The following SH3RF3 variants were observed in gnomAD, a reference collection of about 807,000 sequenced individuals.
SH3RF3 encodes SH3 domain containing ring finger 3.
A neutral mutation model predicts 66.3 loss-of-function variants in SH3RF3; 29 were observed. The ratio of observed to expected loss-of-function variants is 0.44; its 90% CI spans 0.33 to 0.60. SH3RF3 has a LOEUF of 0.60. SH3RF3 is among the 20% of genes least tolerant of loss of function. The pLI, the probability that SH3RF3 is intolerant of heterozygous loss-of-function variation, is 0.04. For synonymous variants in SH3RF3, 583 were observed against 532.0 expected, an observed-to-expected ratio of 1.10 and a Z score of -1.32; for missense variants, 1,194 against 1,190.9, an observed-to-expected ratio of 1.00 and a Z score of -0.04.
At chr2:109,227,082 C>T (rs1679390371) in intron 1 of SH3RF3, among the ~76,000 whole-genome samples, 1 of 152,108 alleles carries the variant, frequency 6.6e-6, no homozygotes. Flanking sequence ...GGGTCTTTGT[C>T]ATGTTTCTGG....
chr2:109,221,581 CAAAAAAAA>C (rs60310731), intron 1 of SH3RF3, among the ~76,000 whole-genome samples: 135 of 63,346 alleles, frequency 2.1e-3, no homozygotes, highest in African/African-American at 5.7e-3. Context: ...GACTCCATCT[CAAAAAAAA>C]AAAAAAAAAA....
chr2:109,142,409 C>G (rs898650787), intron 1 of SH3RF3, among the ~76,000 whole-genome samples: 4 of 152,252 alleles, frequency 2.6e-5, no homozygotes, highest in African/African-American at 9.6e-5. Flanking sequence ...GTTAGCTCCA[C>G]AAACTTGGAA....
intron 1 of SH3RF3, among the ~76,000 whole-genome samples, chr2:109,197,565 G>A (rs980669023): frequency 2.1e-4 from 32 of 152,358 alleles, no homozygotes; most frequent in African/African-American, 7.2e-4. Context: ...GCCGGGGAGG[G>A]GTGGGAGGCC....
intron 1 of SH3RF3, among the ~76,000 whole-genome samples, chr2:109,166,503 C>A (rs923847717): frequency 1.3e-5 from 2 of 150,262 alleles, no homozygotes; most frequent in African/African-American, 4.9e-5. Context: ...ACCTCTATGT[C>A]AAGCTCATTG....
At chr2:109,371,745 G>A in intron 3 of SH3RF3, 64 bp downstream of exon 3, 1 of 1,429,500 alleles carries the variant, frequency 7.0e-7, no homozygotes, top group Non-Finnish European at 9.7e-7. Flanking sequence ...ACTACAGTGG[G>A]GTCACCTGAC....
chr2:109,465,075 G>A (rs1361757926), intron 8 of SH3RF3, among the ~76,000 whole-genome samples: 2 of 152,146 alleles, frequency 1.3e-5, no homozygotes, highest in Non-Finnish European at 2.9e-5. Context: ...ACACAATGTT[G>A]TAGCCTTTTT....
At chr2:109,401,599 A>G (rs1011953999) in intron 4 of SH3RF3, among the ~76,000 whole-genome samples, 3 of 152,194 alleles carry the variant, frequency 2.0e-5, no homozygotes, top group Non-Finnish European at 2.9e-5. Context: ...CTAAAAAAGG[A>G]GCCCACAGGG....
At chr2:109,395,301 C>A (rs1183946639) in intron 3 of SH3RF3, among the ~76,000 whole-genome samples, 1 of 152,200 alleles carries the variant, frequency 6.6e-6, no homozygotes. Flanking sequence ...TCTGGGCTTT[C>A]AGAACGAAGA....
At chr2:109,288,534 A>G (rs1054835645) in intron 1 of SH3RF3, among the ~76,000 whole-genome samples, 1 of 152,014 alleles carries the variant, frequency 6.6e-6, no homozygotes, top group Non-Finnish European at 1.5e-5. Context: ...TCAAAACAGA[A>G]TTTTTGTCAT....
chr2:109,167,526 C>T (rs1677657881), intron 1 of SH3RF3, among the ~76,000 whole-genome samples: 1 of 152,120 alleles, frequency 6.6e-6, no homozygotes, highest in South Asian at 2.1e-4. Flanking sequence ...AGTCATCCCC[C>T]ATTGGTATTG....
At chr2:109,348,041 CT>C in intron 2 of SH3RF3, 92 bp downstream of exon 2, 1 of 1,463,434 alleles carries the variant, frequency 6.8e-7, no homozygotes, top group Non-Finnish European at 9.1e-7. Flanking sequence ...GCCAGACAGT[CT>C]TTCTTCAGAG....
intron 1 of SH3RF3, among the ~76,000 whole-genome samples, chr2:109,247,893 T>C (rs1303987250): frequency 6.6e-6 from 1 of 152,206 alleles, no homozygotes; most frequent in Non-Finnish European, 1.5e-5. Flanking sequence ...GGCGTCTTCA[T>C]GTGGTGGACT....
chr2:109,145,062 A>G (rs1170014839), intron 1 of SH3RF3, among the ~76,000 whole-genome samples: 1 of 152,068 alleles, frequency 6.6e-6, no homozygotes, highest in East Asian at 1.9e-4. Context: ...TCGTAAGCAG[A>G]GTGTTAAGGG....
intron 1 of SH3RF3, among the ~76,000 whole-genome samples, chr2:109,203,606 C>A (rs1197831451): frequency 6.6e-6 from 1 of 152,172 alleles, no homozygotes; most frequent in Non-Finnish European, 1.5e-5. Flanking sequence ...TCTCCACTTT[C>A]CCTTTGCACG....
intron 8 of SH3RF3, among the ~76,000 whole-genome samples, chr2:109,450,626 C>T (rs1010635331): frequency 6.6e-6 from 1 of 152,108 alleles, no homozygotes; most frequent in Non-Finnish European, 1.5e-5. Flanking sequence ...CAACATGTAA[C>T]CTATGTTTTA....
intron 8 of SH3RF3, among the ~76,000 whole-genome samples, chr2:109,464,149 G>C (rs1678277605): frequency 6.6e-6 from 1 of 152,156 alleles, no homozygotes; most frequent in Non-Finnish European, 1.5e-5. Context: ...TACTTCCAGG[G>C]ACAAGAGCTC....
rs1679414700 is a variant in SH3RF3, at chr2:109,502,445, T to C, written c.*774T>C. The C allele has an allele frequency of 6.6e-6, 1 of 152,170 alleles. No individual in the cohort carries two copies. Among genetic ancestry groups the C allele is most frequent in the African/African-American group, 2.4e-5 (1 of 41,440 alleles). The allele number at this position is 152,170 out of a possible 1,614,324, so 9.4% of individuals were successfully genotyped here. ...AAACTAATAATGACTTGGTTGAGCT[T>C]GAAAGAAAAGATGTCTGAGGCGACA... On this transcript the variant is annotated 3_prime_UTR_variant, in exon 10 of 10. Coordinates refer to ENST00000309415, the MANE Select transcript of SH3RF3 (RefSeq NM_001099289.3).
At position 109,129,963 on chromosome 2, in the gene SH3RF3, A is replaced by T. The variant is rs1676647538; in HGVS notation, c.423A>T (p.Pro141=). ...PGGSPPARPI[P]GQSAAPTLAG... ...GCAGCCCGCCCGCGCGTCCCATCCC[A>T]GGCCAGAGTGCGGCCCCCACGCTCG... is the stretch of plus-strand genomic sequence containing the variant. The change falls in exon 1 of 10, where the codon CCA becomes CCT. Residue 141 remains proline (P), a synonymous_variant. Coordinates refer to ENST00000309415, the MANE Select transcript of SH3RF3 (RefSeq NM_001099289.3). 7.0e-7 allele frequency: 1 copy of T among 1,419,220 alleles called. No individual in the cohort carries two copies. Among genetic ancestry groups the T allele is most frequent in the Non-Finnish European group, 9.1e-7 (1 of 1,094,954 alleles). The allele number at this position is 1,419,220 out of a possible 1,614,324, so 87.9% of individuals were successfully genotyped here.
At position 109,156,834 on chromosome 2, in the gene SH3RF3, T is replaced by C. The variant is rs550498380; in HGVS notation, c.573+26721T>C. On this transcript the variant is annotated intron_variant, in intron 1 of 9. Coordinates refer to ENST00000309415, the MANE Select transcript of SH3RF3 (RefSeq NM_001099289.3). Reference sequence around the variant, plus strand: ...GCTGACCTGATTGCCAGTTTAAAACTAGACCTACTCACAGAACTGAGGAAT... The same window carrying C: ...GCTGACCTGATTGCCAGTTTAAAACCAGACCTACTCACAGAACTGAGGAAT... Among the ~76,000 whole-genome samples, 8 of 152,324 alleles carry C rather than the reference T, an allele frequency of 5.3e-5. No individual in the cohort carries two copies. The South Asian group carries it at 1.7e-3, about 32-fold the overall frequency.
Sources: gnomAD v4.1 joint callset for allele counts (sites outside exome capture counted in the v4.1 genomes callset) on GRCh38, gnomAD v4.1.1 for gene constraint, MANE v1.5 for transcripts, NCBI Gene and HGNC (gene_info 2026-07-23, HGNC 2026-07-21) for gene names.